The following UNC5C variants were observed in gnomAD, a reference collection of about 807,000 sequenced individuals.
UNC5C encodes the protein netrin receptor UNC5C.
Under a neutral mutation model 99.8 loss-of-function variants are expected in UNC5C, and 47 were observed. That is an observed-to-expected ratio of 0.47 (90% CI 0.37 to 0.60). The LOEUF is 0.60. Ranked by LOEUF, UNC5C falls within the 20% of genes least tolerant of loss-of-function variation. The pLI, the probability that UNC5C is intolerant of heterozygous loss-of-function variation, is 0.00. For missense variants in UNC5C, 1,062 were observed against 1,165.9 expected, an observed-to-expected ratio of 0.91 and a Z score of 1.30; for synonymous variants, 487 against 452.2, an observed-to-expected ratio of 1.08 and a Z score of -0.98.
chr4:95,516,772 A>G (rs551365672), intron 1 of UNC5C, among the ~76,000 whole-genome samples: 3 of 152,156 alleles, frequency 2.0e-5, no homozygotes, highest in Non-Finnish European at 4.4e-5. Context: ...GGTGTTTATC[A>G]TCTTGGAGAG....
intron 1 of UNC5C, among the ~76,000 whole-genome samples, chr4:95,468,409 G>A (rs1747864913): frequency 6.6e-6 from 1 of 152,028 alleles, no homozygotes; most frequent in East Asian, 1.9e-4. Context: ...GTGGCTATTA[G>A]CTATTGAATT....
chr4:95,513,077 C>T (rs937851294), intron 1 of UNC5C, among the ~76,000 whole-genome samples: 1 of 152,144 alleles, frequency 6.6e-6, no homozygotes, highest in East Asian at 1.9e-4. Context: ...ATCTAGGTCT[C>T]GTCATGGTTG....
chr4:95,423,034 G>T (rs1746365135), intron 1 of UNC5C, among the ~76,000 whole-genome samples: 1 of 152,140 alleles, frequency 6.6e-6, no homozygotes, highest in African/African-American at 2.4e-5. Flanking sequence ...ACATAAAGTG[G>T]TGATGGTCTC....
intron 4 of UNC5C, 75 bp downstream of exon 4, chr4:95,278,184 C>T (rs1740928167): frequency 7.4e-6 from 9 of 1,214,310 alleles, no homozygotes; most frequent in Non-Finnish European, 1.1e-5. Flanking sequence ...TTCACTGCAC[C>T]ATTAGCCATG....
In UNC5C at chr4:95,199,876, G is replaced by A. The variant is rs540253840; in HGVS notation, c.2136+2855C>T. 2.6e-5 allele frequency among the ~76,000 whole-genome samples: 4 copies of A among 152,288 alleles called. No individual in the cohort carries two copies. In the East Asian group the frequency reaches 7.7e-4, roughly 29 times the overall value. Reference sequence around the variant, plus strand: ...ACCCAGCATGATTCCTATCCTGACAGTGCTTTGGATGTATCACATTTGCAA... The same window carrying A: ...ACCCAGCATGATTCCTATCCTGACAATGCTTTGGATGTATCACATTTGCAA... On this transcript the variant is annotated intron_variant, in intron 12 of 15. Transcript: ENST00000453304.
intron 3 of UNC5C, among the ~76,000 whole-genome samples, chr4:95,300,018 A>G (rs1741811094): frequency 6.6e-6 from 1 of 152,220 alleles, no homozygotes; most frequent in South Asian, 2.1e-4. Flanking sequence ...AGAGACAAGT[A>G]TAGAACTGGG....
At chr4:95,407,703 A>G (rs867778774) in intron 1 of UNC5C, among the ~76,000 whole-genome samples, 3 of 152,228 alleles carry the variant, frequency 2.0e-5, no homozygotes, top group African/African-American at 4.8e-5. Flanking sequence ...AAGTAAATAA[A>G]TTAATATGAT....
chr4:95,192,659 T>A (rs1209351464), intron 12 of UNC5C, among the ~76,000 whole-genome samples: 1 of 143,320 alleles, frequency 7.0e-6, no homozygotes, highest in African/African-American at 2.6e-5. Context: ...TCTGCTCACC[T>A]CTTCCCCTGC....
intron 6 of UNC5C, among the ~76,000 whole-genome samples, chr4:95,242,802 A>G (rs1358873827): frequency 2.0e-5 from 3 of 152,200 alleles, no homozygotes; most frequent in Non-Finnish European, 2.9e-5. Context: ...GTGCTTTCTC[A>G]TTGACCAAGC....
intron 3 of UNC5C, among the ~76,000 whole-genome samples, chr4:95,296,160 G>A (rs1051334637): frequency 1.3e-5 from 2 of 152,176 alleles, no homozygotes; most frequent in African/African-American, 4.8e-5. Flanking sequence ...TAATGATAAG[G>A]ATCAGCCTGT....
Position 95,301,759 on chromosome 4 carries a change from G to A in UNC5C, c.347-10C>T, listed in dbSNP as rs749481777. On this transcript the variant is annotated splice_polypyrimidine_tract_variant and intron_variant, in intron 2 of 15. Transcript: ENST00000453304. The stretch of plus-strand genomic sequence containing the variant: ...TCCCGGACAATGAGACCTGACAAGA[G>A]AAAAAGAAAGATTTAAGTCAACACA... 1.2e-6 allele frequency: 2 copies of A among 1,610,916 alleles called. No individual in the cohort carries two copies. Among genetic ancestry groups the A allele is most frequent in the Non-Finnish European group, 1.7e-6 (2 of 1,179,362 alleles).
chr4:95,400,354 C>T (rs575549708), intron 1 of UNC5C, among the ~76,000 whole-genome samples: 4 of 147,122 alleles, frequency 2.7e-5, no homozygotes, highest in Admixed American at 6.8e-5. Context: ...AAATGTGGCC[C>T]GTAGTTCCAC....
intron 1 of UNC5C, among the ~76,000 whole-genome samples, chr4:95,382,030 G>T (rs1004879693): frequency 6.6e-6 from 1 of 152,144 alleles, no homozygotes; most frequent in African/African-American, 2.4e-5. Context: ...TAAGAAGCTT[G>T]TCTCCAAGCT....
intron 14 of UNC5C, among the ~76,000 whole-genome samples, chr4:95,179,746 CAA>C (rs33974336): frequency 5.1e-5 from 5 of 98,526 alleles, no homozygotes; most frequent in Admixed American, 2.3e-4. Context: ...GACTCCTTCT[CAA>C]AAAAAAAAAA....
chr4:95,527,701 A>G (rs1026607768), intron 1 of UNC5C, among the ~76,000 whole-genome samples: 3 of 152,122 alleles, frequency 2.0e-5, no homozygotes, highest in Admixed American at 1.3e-4. Context: ...AAAGAATGCA[A>G]TTTCATAGGA....
intron 14 of UNC5C, among the ~76,000 whole-genome samples, chr4:95,182,496 C>T (rs373269114): frequency 7.2e-5 from 11 of 152,118 alleles, no homozygotes; most frequent in African/African-American, 2.6e-4. Flanking sequence ...AGGAGAGTTG[C>T]TGAGAAAGAA....
chr4:95,270,179 A>G (rs2149390593), intron 4 of UNC5C, among the ~76,000 whole-genome samples: 1 of 152,336 alleles, frequency 6.6e-6, no homozygotes, highest in African/African-American at 2.4e-5. Flanking sequence ...GCTTTAAACA[A>G]TCAAAAAAGT....
At chr4:95,346,129 G>A (rs899732839) in intron 1 of UNC5C, among the ~76,000 whole-genome samples, 1 of 151,860 alleles carries the variant, frequency 6.6e-6, no homozygotes, top group African/African-American at 2.4e-5. Flanking sequence ...AAATTCAAAG[G>A]ATCATTGGAG....
intron 7 of UNC5C, among the ~76,000 whole-genome samples, chr4:95,239,747 A>G (rs1739263900): frequency 6.6e-6 from 1 of 152,208 alleles, no homozygotes; most frequent in Non-Finnish European, 1.5e-5. Context: ...TTTCAGTCAA[A>G]GGTGTTTGTA....
Sources: gnomAD v4.1 joint callset for allele counts (sites outside exome capture counted in the v4.1 genomes callset) on GRCh38, gnomAD v4.1.1 for gene constraint, MANE v1.5 for transcripts, NCBI Gene and HGNC (gene_info 2026-07-23, HGNC 2026-07-21) for gene names.